PRRG1: variants seen among roughly 807,000 people sequenced by gnomAD.
The protein encoded by PRRG1 is transmembrane gamma-carboxyglutamic acid protein 1.
Under a neutral mutation model 11.8 loss-of-function variants are expected in PRRG1, and 5 were observed. That is an observed-to-expected ratio of 0.42 (90% CI 0.22 to 0.89). PRRG1 has a LOEUF of 0.89. Among genes scored for constraint, PRRG1 ranks in the 40% least tolerant of loss-of-function variants. The pLI is 0.28. For missense variants in PRRG1, 155 were observed against 166.1 expected (o/e 0.93, Z 0.37); for synonymous variants, 66 against 60.4 (o/e 1.09, Z -0.43).
At chrX:37,359,153 GA>G (rs1930337349) in intron 1 of PRRG1, among the ~76,000 whole-genome samples, 1 of 111,243 alleles carries the variant, frequency 9.0e-6, no homozygotes, top group Non-Finnish European at 1.9e-5. Flanking sequence ...CATAAGATGG[GA>G]TTTTCAGTAT....
intron 1 of PRRG1, among the ~76,000 whole-genome samples, chrX:37,375,436 G>A (rs922288257): frequency 7.2e-5 from 8 of 111,230 alleles, no homozygotes; most frequent in African/African-American, 1.6e-4. Context: ...AACCATGGAT[G>A]GAAAATGTTT....
At position 37,369,830 on chromosome X, in the gene PRRG1, G is replaced by A. The variant is rs146758383; in HGVS notation, c.-42+20435G>A. 7.5e-3 allele frequency among the ~76,000 whole-genome samples: 834 copies of A among 111,471 alleles called. 5 individuals carry two copies. Among genetic ancestry groups the A allele is most frequent in the Non-Finnish European group, 0.011 (561 of 53,043 alleles). ...CACGAGATCTGATGGTTTCATGAAG[G>A]GCAGTTTCCCTGCACATGCTCTCTT... On this transcript the variant is annotated intron_variant, in intron 1 of 3. Coordinates refer to ENST00000378628, the MANE Select transcript of PRRG1 (RefSeq NM_001142395.2).
chrX:37,433,813 A>G (rs1932856785), intron 3 of PRRG1, among the ~76,000 whole-genome samples: 1 of 112,051 alleles, frequency 8.9e-6, no homozygotes, highest in African/African-American at 3.2e-5. Context: ...TAGACTTTAA[A>G]ATGGTTTTTA....
chrX:37,368,978 T>C (rs1556370155), intron 1 of PRRG1, among the ~76,000 whole-genome samples: 1 of 111,930 alleles, frequency 8.9e-6, no homozygotes, highest in Admixed American at 9.5e-5. Context: ...TTGATTGTAG[T>C]TATTACATGT....
chrX:37,448,099 G>A (rs936927875), intron 3 of PRRG1, among the ~76,000 whole-genome samples: 6 of 111,768 alleles, frequency 5.4e-5, no homozygotes, highest in Non-Finnish European at 9.4e-5. Context: ...AGTCATCCAG[G>A]TTCTTGATGT....
chrX:37,374,085 A>G (rs1298422619), intron 1 of PRRG1, among the ~76,000 whole-genome samples: 2 of 112,124 alleles, frequency 1.8e-5, no homozygotes, highest in Non-Finnish European at 3.8e-5. Flanking sequence ...ATAGCTTTCT[A>G]TATGTTGAAT....
chrX:37,356,468 G>A (rs920493207), intron 1 of PRRG1, among the ~76,000 whole-genome samples: 2 of 111,325 alleles, frequency 1.8e-5, no homozygotes, highest in African/African-American at 3.3e-5. Context: ...TGGTTTTTGC[G>A]GCTGGAGTAG....
chrX:37,360,077 T>A (rs1407961637), intron 1 of PRRG1, among the ~76,000 whole-genome samples: 1 of 111,993 alleles, frequency 8.9e-6, no homozygotes, highest in African/African-American at 3.2e-5. Context: ...TTGAATTCAT[T>A]GATCTTTTCA....
chrX:37,402,167 C>T (rs1470679741), intron 1 of PRRG1, among the ~76,000 whole-genome samples: 4 of 110,909 alleles, frequency 3.6e-5, no homozygotes, highest in Non-Finnish European at 5.7e-5. Flanking sequence ...AAAAAGAGCC[C>T]GCATCACCAA....
At chrX:37,420,668 C>CAAAAA (rs1302856034) in intron 2 of PRRG1, among the ~76,000 whole-genome samples, 68 of 28,122 alleles carry the variant, frequency 2.4e-3, no homozygotes, top group African/African-American at 3.2e-3. Flanking sequence ...CCCGTCTATG[C>CAAAAA]AAAAAAAAAA....
At chrX:37,430,173 T>C (rs1932812652) in intron 3 of PRRG1, among the ~76,000 whole-genome samples, 1 of 111,837 alleles carries the variant, frequency 8.9e-6, no homozygotes, top group East Asian at 2.8e-4. Flanking sequence ...AGGAGTAATA[T>C]TTAGAAACTG....
At chrX:37,438,716 C>T (rs1026639998) in intron 3 of PRRG1, among the ~76,000 whole-genome samples, 1 of 111,340 alleles carries the variant, frequency 9.0e-6, no homozygotes, top group Non-Finnish European at 1.9e-5. Context: ...GGATTACAGG[C>T]GTGAGCCACC....
At chrX:37,428,933 T>G (rs187783722) in intron 3 of PRRG1, among the ~76,000 whole-genome samples, 1 of 112,707 alleles carries the variant, frequency 8.9e-6, no homozygotes, top group Non-Finnish European at 1.9e-5. Flanking sequence ...ACCTGCAGGC[T>G]CAACACCACA....
At chrX:37,437,685 C>G (rs1556392353) in intron 3 of PRRG1, among the ~76,000 whole-genome samples, 1 of 111,849 alleles carries the variant, frequency 8.9e-6, no homozygotes, top group East Asian at 2.8e-4. Flanking sequence ...AGCAACTTTG[C>G]TTGGTAAATG....
chrX:37,430,706 T>A (rs889264938), intron 3 of PRRG1, among the ~76,000 whole-genome samples: 2 of 111,669 alleles, frequency 1.8e-5, no homozygotes, highest in Admixed American at 9.4e-5. Flanking sequence ...CAGCCTTTAC[T>A]CAGTTTCCCC....
intron 1 of PRRG1, among the ~76,000 whole-genome samples, chrX:37,366,219 A>G (rs1930566981): frequency 8.9e-6 from 1 of 111,970 alleles, no homozygotes; most frequent in South Asian, 3.7e-4. Flanking sequence ...ATGCCCTGCA[A>G]TTCTGGCTAG....
intron 1 of PRRG1, among the ~76,000 whole-genome samples, chrX:37,388,225 A>G (rs372075618): frequency 4.5e-5 from 5 of 112,102 alleles, no homozygotes; most frequent in East Asian, 5.7e-4. Context: ...TTCCAGGCTG[A>G]GGGTACAAGC....
intron 1 of PRRG1, among the ~76,000 whole-genome samples, chrX:37,381,710 C>A (rs1336357868): frequency 2.7e-5 from 3 of 110,737 alleles, no homozygotes; most frequent in African/African-American, 9.8e-5. Context: ...TTGTGTAAAT[C>A]ATGTTTAATT....
intron 1 of PRRG1, among the ~76,000 whole-genome samples, chrX:37,382,305 C>T (rs781992503): frequency 3.6e-5 from 4 of 111,240 alleles, no homozygotes; most frequent in Admixed American, 9.6e-5. Flanking sequence ...CAGTAGTATG[C>T]ACGTGCTTGC....
Sources: allele counts gnomAD v4.1 joint callset (sites outside exome capture counted in the v4.1 genomes callset), GRCh38; gene constraint gnomAD v4.1.1; transcripts MANE v1.5; gene names NCBI Gene and HGNC (gene_info 2026-07-23, HGNC 2026-07-21).